The following FYB2 variants were observed in gnomAD, a reference collection of about 807,000 sequenced individuals.
FYB2 encodes the protein FYN binding protein 2, also known as FYN-binding protein 2.
Under a neutral mutation model 94.1 loss-of-function variants are expected in FYB2, and 103 were observed. The observed-to-expected ratio is 1.09, with a 90% CI of 0.93 to 1.29. The LOEUF is 1.29. Among genes scored for constraint, FYB2 ranks in the 50% most tolerant of loss-of-function variants. The pLI is 0.00. For synonymous variants in FYB2, 293 were observed against 287.9 expected (o/e 1.02, Z -0.18); for missense variants, 896 against 841.5 (o/e 1.06, Z -0.80).
At chr1:56,737,065 A>T (rs1644844889) in intron 15 of FYB2, 22 bp downstream of exon 15, 20 of 1,550,596 alleles carry the variant, frequency 1.3e-5, no homozygotes, top group Non-Finnish European at 1.8e-5. Flanking sequence ...AGCAGGGATG[A>T]CCAATAAGGT....
chr1:56,791,157 C>T (rs1177174998), intron 2 of FYB2, among the ~76,000 whole-genome samples: 2 of 152,070 alleles, frequency 1.3e-5, no homozygotes, highest in Non-Finnish European at 2.9e-5. Context: ...AGCCTTCCAT[C>T]CATTTAATCA....
At chr1:56,738,710 T>A in intron 13 of FYB2, 57 bp from the exon 14 acceptor site, 1 of 1,552,466 alleles carries the variant, frequency 6.4e-7, no homozygotes, top group Non-Finnish European at 8.9e-7. Context: ...TTTGGAAAGA[T>A]GAGCTGACAG....
intron 4 of FYB2, among the ~76,000 whole-genome samples, chr1:56,770,939 A>C (rs1259179179): frequency 6.6e-6 from 1 of 152,196 alleles, no homozygotes; most frequent in Non-Finnish European, 1.5e-5. Context: ...GTTCACATTC[A>C]TCAGATTAGC....
At chr1:56,720,519 A>G (rs1644465449) in intron 17 of FYB2, 190 bp from the exon 18 acceptor site, 1 of 420,264 alleles carries the variant, frequency 2.4e-6, no homozygotes, top group African/African-American at 2.1e-5. Flanking sequence ...AAATAATAGT[A>G]AAATGGTGCA....
At chr1:56,821,945 C>A (rs1209661949), upstream of FYB2, among the ~76,000 whole-genome samples, 1 of 152,150 alleles carries the variant, frequency 6.6e-6, no homozygotes, top group Non-Finnish European at 1.5e-5. Flanking sequence ...ATCACTACAC[C>A]TTATGAATAA....
intron 8 of FYB2, among the ~76,000 whole-genome samples, chr1:56,751,677 C>T (rs1645202626): frequency 6.6e-6 from 1 of 152,012 alleles, no homozygotes; most frequent in South Asian, 2.1e-4. Context: ...ATTTTGTCTT[C>T]CCACCCACCA....
chr1:56,719,724 A>T lies in FYB2; in HGVS notation c.2166-32T>A, dbSNP rs201521257. On this transcript the variant is annotated intron_variant, in intron 19 of 19. Transcript: ENST00000343433. ...AAAAATAAAAATATGCAAACATTTT[A>T]AAATATAGGACAATGAAACAGTTGA... 14 of 1,529,564 alleles carry T rather than the reference A, an allele frequency of 9.2e-6. No homozygotes were observed. In the East Asian group the frequency reaches 3.2e-4, roughly 35 times the overall value. The allele number at this position is 1,529,564 out of a possible 1,614,324, so 94.7% of individuals were successfully genotyped here. A position where few individuals can be genotyped will look rare whatever the true frequency, so the allele number is the denominator to read the frequency against.
chr1:56,822,796 C>A (rs935568458), upstream of FYB2, among the ~76,000 whole-genome samples: 1 of 150,918 alleles, frequency 6.6e-6, no homozygotes, highest in Admixed American at 6.6e-5. Context: ...TGGGAAATCA[C>A]GTGTCCTCAC....
rs1000360830 is a variant in FYB2 at position 56,758,205 on chromosome 1, G to A, written c.1098+511C>T. The stretch of plus-strand genomic sequence containing the variant: ...TTTCATTCTCACAAGGACCTCAGAT[G>A]TGAGTTCTTTATTATCCCCATTTTG... On this transcript the variant is annotated intron_variant, in intron 6 of 19. Coordinates refer to ENST00000343433, the MANE Select transcript of FYB2 (RefSeq NM_001004303.5). 3.3e-5 allele frequency among the ~76,000 whole-genome samples: 5 copies of A among 152,168 alleles called. No individual in the cohort carries two copies. In the South Asian group the frequency reaches 8.3e-4, roughly 25 times the overall value.
rs752069277 is a variant in FYB2, at chr1:56,789,078, T to C, written c.814A>G (p.Ile272Val). The C allele has an allele frequency of 5.0e-6, 8 of 1,612,780 alleles. No homozygotes were observed. The highest frequency in any genetic ancestry group is 4.0e-5 in the African/African-American group (3 of 75,034). Reference sequence around the variant, plus strand: ...GGGGGAGGAGGACCCAGGGAGTCGATGGAGGGCAATGGCTTTGTTTTGGGA... The same window carrying C: ...GGGGGAGGAGGACCCAGGGAGTCGACGGAGGGCAATGGCTTTGTTTTGGGA... Reference protein sequence around the residue: ...HLPKTKPLPSIDSLGPPPPKP... With the variant: ...HLPKTKPLPSVDSLGPPPPKP... The change falls in exon 3 of 20, where the codon ATC becomes GTC. Residue 272 changes from isoleucine (I) to valine (V), a missense_variant. Physicochemically the swap from Ile to Val is conservative, Grantham distance 29. Coordinates refer to ENST00000343433, the MANE Select transcript of FYB2 (RefSeq NM_001004303.5).
intron 1 of FYB2, among the ~76,000 whole-genome samples, chr1:56,797,520 C>T (rs1384317392): frequency 6.6e-6 from 1 of 152,134 alleles, no homozygotes; most frequent in African/African-American, 2.4e-5. Context: ...CGCCCAGGCA[C>T]TCTTTTATCT....
chr1:56,757,810 C>T (rs147985459), intron 6 of FYB2, among the ~76,000 whole-genome samples: 4 of 149,332 alleles, frequency 2.7e-5, no homozygotes, highest in African/African-American at 7.4e-5. Flanking sequence ...CTGTCTACTG[C>T]CCAGGCTAAA....
In FYB2 at chr1:56,804,474, C is replaced by G. The variant is rs183078478; in HGVS notation, c.10-11671G>C. On this transcript the variant is annotated intron_variant, in intron 1 of 19. Coordinates refer to ENST00000343433, the MANE Select transcript of FYB2 (RefSeq NM_001004303.5). ...ATGCAGTGGCTCATGCCTGTAATCC[C>G]AGCACATTGGGAAGTTGAGGTGAGC... 6.9e-4 allele frequency among the ~76,000 whole-genome samples: 105 copies of G among 152,318 alleles called. 1 individual carries two copies. Among genetic ancestry groups the G allele is most frequent in the African/African-American group, 2.3e-3 (96 of 41,568 alleles).
chr1:56,728,046 C>T (rs561605657), intron 15 of FYB2, among the ~76,000 whole-genome samples: 1 of 152,188 alleles, frequency 6.6e-6, no homozygotes, highest in South Asian at 2.1e-4. Context: ...AGAATTTATT[C>T]CTTACCCTAA....
In FYB2 at chr1:56,744,187, C is replaced by G; in HGVS notation, c.1467G>C (p.Glu489Asp). The change falls in exon 10 of 20, where the codon GAG becomes GAC. Residue 489 changes from glutamate (E) to aspartate (D), a missense_variant. By Grantham distance (45) the Glu-to-Asp change is conservative (BLOSUM62 2). Transcript: ENST00000343433. ...TGGAGTACTCGACATCATCATATAT[C>G]TCCTCCGAGATGGAACTTGTCTTAG... ...GVSKTSSISE[E>D]IYDDVEYSRK... is the part of the protein sequence containing the mutation. 2 of 1,612,754 alleles carry G rather than the reference C, an allele frequency of 1.2e-6. No homozygotes were observed. The highest frequency in any genetic ancestry group is 1.7e-6 in the Non-Finnish European group (2 of 1,179,278).
chr1:56,815,200 C>T (rs1228721688), intron 1 of FYB2, among the ~76,000 whole-genome samples: 1 of 152,122 alleles, frequency 6.6e-6, no homozygotes, highest in Non-Finnish European at 1.5e-5. Flanking sequence ...ATCTCTGCTG[C>T]TCCGCCCATG....
chr1:56,773,007 T>C (rs1252706359), intron 4 of FYB2, among the ~76,000 whole-genome samples: 1 of 152,216 alleles, frequency 6.6e-6, no homozygotes, highest in Non-Finnish European at 1.5e-5. Flanking sequence ...TATAAAACGT[T>C]AATGTTTCTT....
upstream of FYB2, among the ~76,000 whole-genome samples, chr1:56,823,262 C>G (rs1205548949): frequency 6.6e-6 from 1 of 151,980 alleles, no homozygotes; most frequent in Non-Finnish European, 1.5e-5. Context: ...TTCCTCCATT[C>G]CATGGCGGCT....
At chr1:56,754,470 G>A (rs943671294) in intron 7 of FYB2, among the ~76,000 whole-genome samples, 1 of 151,912 alleles carries the variant, frequency 6.6e-6, no homozygotes, top group Non-Finnish European at 1.5e-5. Flanking sequence ...CTAACACTTT[G>A]TTCTTCCATA....
Sources: allele counts gnomAD v4.1 joint callset (sites outside exome capture counted in the v4.1 genomes callset), GRCh38; gene constraint gnomAD v4.1.1; transcripts MANE v1.5; gene names NCBI Gene and HGNC (gene_info 2026-07-23, HGNC 2026-07-21).